Variants in AOPEP observed in about 807,000 individuals in gnomAD.
AOPEP encodes the protein aminopeptidase O (putative), also known as aminopeptidase O.
AOPEP carries 77 observed loss-of-function variants against 98.1 expected under a neutral mutation model. The observed-to-expected ratio is 0.78, with a 90% CI of 0.65 to 0.95. AOPEP has a LOEUF of 0.95. AOPEP is among the 40% of genes least tolerant of loss of function. The pLI, the probability that AOPEP is intolerant of heterozygous loss-of-function variation, is 0.00. For missense variants in AOPEP, 1,024 were observed against 1,024.7 expected, an observed-to-expected ratio of 1.00 and a Z score of 0.01; for synonymous variants, 346 against 365.3, an observed-to-expected ratio of 0.95 and a Z score of 0.60.
intron 5 of AOPEP, among the ~76,000 whole-genome samples, chr9:94,890,531 C>T (rs1277054899): frequency 6.6e-6 from 1 of 151,956 alleles, no homozygotes; most frequent in African/African-American, 2.4e-5. Context: ...CTAATCTTTA[C>T]TATTTCCTTC....
At chr9:95,028,582 T>G (rs904209722) in intron 13 of AOPEP, among the ~76,000 whole-genome samples, 1 of 152,198 alleles carries the variant, frequency 6.6e-6, no homozygotes, top group Non-Finnish European at 1.5e-5. Flanking sequence ...AAGATTGTAT[T>G]TTGTTGAATT....
At chr9:94,752,499 A>T (rs1836052232) in intron 1 of AOPEP, among the ~76,000 whole-genome samples, 1 of 152,188 alleles carries the variant, frequency 6.6e-6, no homozygotes, top group Admixed American at 6.5e-5. Context: ...GGAATCTTGT[A>T]TTCAAAGTGT....
At chr9:95,083,691 C>A (rs1434157669) in intron 16 of AOPEP, among the ~76,000 whole-genome samples, 2 of 145,234 alleles carry the variant, frequency 1.4e-5, no homozygotes, top group African/African-American at 2.6e-5. Flanking sequence ...ACAGCACACA[C>A]CGCACGCACC....
chr9:94,945,448 G>C (rs1368413890), intron 7 of AOPEP, among the ~76,000 whole-genome samples: 6 of 152,170 alleles, frequency 3.9e-5, no homozygotes, highest in Admixed American at 3.9e-4. Flanking sequence ...ACTGTTAGAT[G>C]CACTGCATGT....
intron 5 of AOPEP, among the ~76,000 whole-genome samples, chr9:94,907,482 A>G (rs746203051): frequency 6.6e-6 from 1 of 152,070 alleles, no homozygotes; most frequent in African/African-American, 2.4e-5. Flanking sequence ...GCACAGAGTC[A>G]AGCATCAGGA....
intron 13 of AOPEP, among the ~76,000 whole-genome samples, chr9:95,032,647 A>G (rs1454699470): frequency 6.6e-6 from 1 of 152,172 alleles, no homozygotes; most frequent in African/African-American, 2.4e-5. Flanking sequence ...ACAAAACCTC[A>G]CTTTGGAATA....
At chr9:94,734,178 G>A (rs1185763659) in intron 1 of AOPEP, among the ~76,000 whole-genome samples, 1 of 152,140 alleles carries the variant, frequency 6.6e-6, no homozygotes, top group East Asian at 1.9e-4. Flanking sequence ...CTGCAGCGCC[G>A]GGAACATGAT....
At chr9:94,873,412 G>A (rs1564298408) in intron 5 of AOPEP, among the ~76,000 whole-genome samples, 3 of 152,192 alleles carry the variant, frequency 2.0e-5, no homozygotes, top group African/African-American at 2.4e-5. Flanking sequence ...TAACAAATAT[G>A]TGGTGTGGTC....
At position 95,023,993 on chromosome 9, in the gene AOPEP, G is replaced by A. The variant is rs1461340835; in HGVS notation, c.2115+18377G>A. Among the ~76,000 whole-genome samples, 3 of 152,160 alleles carry A rather than the reference G, an allele frequency of 2.0e-5. No individual in the cohort carries two copies. In the South Asian group the frequency reaches 6.2e-4, roughly 32 times the overall value. On this transcript the variant is annotated intron_variant, in intron 13 of 16. Coordinates refer to ENST00000375315, the MANE Select transcript of AOPEP (RefSeq NM_001193329.3). ...GACATCATTTTCAAGTAGTTAAAAG[G>A]GTCATTGGATAAAGCTCAGTGGACC...
chr9:94,924,399 G>A (rs184965765), intron 6 of AOPEP, among the ~76,000 whole-genome samples: 1 of 152,292 alleles, frequency 6.6e-6, no homozygotes, highest in African/African-American at 2.4e-5. Flanking sequence ...TGGGTCAAGT[G>A]TTGGAGTACT....
chr9:95,131,751 T>G, the AOPEP span, among the ~76,000 whole-genome samples: 1 of 152,176 alleles, frequency 6.6e-6, no homozygotes, highest in Admixed American at 6.5e-5. Flanking sequence ...AAAAGCTACT[T>G]AAGCACAGCA....
At chr9:95,045,037 A>C (rs934644888) in intron 13 of AOPEP, among the ~76,000 whole-genome samples, 4 of 152,224 alleles carry the variant, frequency 2.6e-5, no homozygotes, top group African/African-American at 9.6e-5. Context: ...GTCTTTAGCC[A>C]GAAAGGGCGC....
At chr9:95,035,807 C>T (rs113876861) in intron 13 of AOPEP, among the ~76,000 whole-genome samples, 1 of 151,890 alleles carries the variant, frequency 6.6e-6, no homozygotes, top group African/African-American at 2.4e-5. Flanking sequence ...AGGCATGAGC[C>T]ACTGCGCCCA....
At chr9:94,949,398 T>C (rs2057935254) in intron 7 of AOPEP, among the ~76,000 whole-genome samples, 2 of 152,202 alleles carry the variant, frequency 1.3e-5, no homozygotes, top group Non-Finnish European at 2.9e-5. Flanking sequence ...ACGCTGAGAC[T>C]TCTTATGGGT....
the AOPEP span, among the ~76,000 whole-genome samples, chr9:95,096,399 A>T: frequency 6.6e-6 from 1 of 151,842 alleles, no homozygotes; most frequent in African/African-American, 2.4e-5. Flanking sequence ...CCCTGGCAGG[A>T]TGGAATGGCC....
chr9:94,790,040 ATT>A (rs1186125556), intron 3 of AOPEP, among the ~76,000 whole-genome samples: 1 of 149,398 alleles, frequency 6.7e-6, no homozygotes, highest in African/African-American at 2.5e-5. Flanking sequence ...CGCCCGGCTA[ATT>A]TTTTTTGTAT....
intron 9 of AOPEP, among the ~76,000 whole-genome samples, chr9:94,963,495 A>C (rs1483821844): frequency 6.6e-6 from 1 of 152,176 alleles, no homozygotes; most frequent in Non-Finnish European, 1.5e-5. Context: ...AAAATTCTAA[A>C]GGAATGTATT....
the AOPEP span, among the ~76,000 whole-genome samples, chr9:95,149,012 C>T: frequency 7.2e-5 from 11 of 152,098 alleles, no homozygotes; most frequent in African/African-American, 2.4e-4. Context: ...GAGAATTCAG[C>T]AGTCTTAGGG....
At chr9:94,781,261 G>A (rs1564122564) in intron 3 of AOPEP, among the ~76,000 whole-genome samples, 1 of 152,100 alleles carries the variant, frequency 6.6e-6, no homozygotes, top group East Asian at 1.9e-4. Flanking sequence ...CCAAAATATA[G>A]CTAAACTATT....
Sources: gnomAD v4.1 joint callset for allele counts (sites outside exome capture counted in the v4.1 genomes callset) on GRCh38, gnomAD v4.1.1 for gene constraint, MANE v1.5 for transcripts, NCBI Gene and HGNC (gene_info 2026-07-23, HGNC 2026-07-21) for gene names.